LRRC74A: variants seen among roughly 807,000 people sequenced by gnomAD.
LRRC74A encodes the protein leucine-rich repeat-containing protein 74A.
LRRC74A carries 44 observed loss-of-function variants against 57.9 expected under a neutral mutation model. The ratio of observed to expected loss-of-function variants is 0.76; its 90% CI spans 0.60 to 0.98. The LOEUF is 0.98. Ranked by LOEUF, LRRC74A falls within the 50% of genes least tolerant of loss-of-function variation. LRRC74A has a pLI of 0.00. For synonymous variants in LRRC74A, 211 were observed against 219.4 expected (o/e 0.96, Z 0.34); for missense variants, 572 against 574.0 (o/e 1.00, Z 0.04).
At chr14:76,831,474 C>G in intron 3 of LRRC74A, 99 bp downstream of exon 3, 1 of 1,325,246 alleles carries the variant, frequency 7.5e-7, no homozygotes, top group Non-Finnish European at 1.1e-6. Context: ...GGAGCCTAAA[C>G]CCACACTTTA....
chr14:76,854,075 C>G (rs893106404), intron 9 of LRRC74A, among the ~76,000 whole-genome samples: 19 of 152,134 alleles, frequency 1.2e-4, no homozygotes, highest in African/African-American at 4.3e-4. Context: ...CCACCCGGTG[C>G]TCTCCCTTGC....
chr14:76,860,707 C>A lies in LRRC74A; in HGVS notation c.1068C>A (p.Ser356=), dbSNP rs200448778. The change falls in exon 11 of 14, where the codon TCC becomes TCA. Residue 356 remains serine (S), a synonymous_variant. Transcript: ENST00000689127. ...EELDISNVLV[S]EQFMKTLDGV... ...CCCTGTCACAGAACGTGCTGGTGTC[C>A]GAGCAGTTCATGAAAACGTTGGACG... 1 of 1,610,222 alleles carries A rather than the reference C, an allele frequency of 6.2e-7. No individual in the cohort carries two copies. Among genetic ancestry groups the A allele is most frequent in the South Asian group, 1.1e-5 (1 of 90,520 alleles).
intron 5 of LRRC74A, among the ~76,000 whole-genome samples, chr14:76,838,935 A>G (rs898589104): frequency 2.6e-5 from 4 of 152,164 alleles, no homozygotes; most frequent in Admixed American, 1.3e-4. Context: ...ATGTTTTTAC[A>G]TGTCAGTTAT....
At chr14:76,829,273 C>A in intron 2 of LRRC74A, 2 of 1,003,284 alleles carry the variant, frequency 2.0e-6, no homozygotes, top group Non-Finnish European at 2.7e-6. Flanking sequence ...TGGAGGAAGG[C>A]CAGTTCTGCC....
intron 4 of LRRC74A, 131 bp downstream of exon 4, chr14:76,836,445 A>G: frequency 1.7e-6 from 1 of 596,530 alleles, no homozygotes; most frequent in Non-Finnish European, 3.0e-6. Flanking sequence ...TTCCCACACG[A>G]CTTCTTAGAG....
chr14:76,859,175 C>G (rs918196079), intron 10 of LRRC74A, among the ~76,000 whole-genome samples: 1 of 152,126 alleles, frequency 6.6e-6, no homozygotes, highest in Non-Finnish European at 1.5e-5. Flanking sequence ...CTGTATTTCC[C>G]TCTCCCAGGC....
intron 9 of LRRC74A, 57 bp downstream of exon 9, chr14:76,853,467 G>C: frequency 7.1e-7 from 1 of 1,416,432 alleles, no homozygotes. Flanking sequence ...GTGTGTTTGT[G>C]TATGTGTTGG....
intron 7 of LRRC74A, among the ~76,000 whole-genome samples, chr14:76,850,454 T>C (rs1459407474): frequency 6.6e-6 from 1 of 151,788 alleles, no homozygotes; most frequent in Non-Finnish European, 1.5e-5. Flanking sequence ...GAGGGGGTAA[T>C]GAAGGCAGGA....
chr14:76,839,522 T>C (rs1896603905), intron 5 of LRRC74A, among the ~76,000 whole-genome samples: 1 of 152,256 alleles, frequency 6.6e-6, no homozygotes, highest in Non-Finnish European at 1.5e-5. Context: ...TTAAGTGAAT[T>C]AAAATCTAAA....
rs1471234358 is a variant in LRRC74A at position 76,857,436 on chromosome 14, G to A, written c.1014G>A (p.Lys338=). 1 of 1,588,156 alleles carries A rather than the reference G, an allele frequency of 6.3e-7. No homozygotes were observed. The highest frequency in any genetic ancestry group is 1.3e-5 in the African/African-American group (1 of 74,668). ...CTATTTTACTTATCCTGGCTATCAA[G>A]AGGAACCCCAAATCCAGGATGGAAG... ...DGAILLILAI[K]RNPKSRMEEL... Residue 338 remains lysine (K), a synonymous_variant, in exon 10 of 14, where the codon AAG becomes AAA. Transcript: ENST00000689127.
intron 5 of LRRC74A, among the ~76,000 whole-genome samples, chr14:76,844,127 T>A (rs541665003): frequency 6.6e-6 from 1 of 152,278 alleles, no homozygotes; most frequent in Non-Finnish European, 1.5e-5. Context: ...GCCTCCAAAG[T>A]AGCTGGGACC....
At chr14:76,864,747 G>A (rs183798526) in intron 11 of LRRC74A, among the ~76,000 whole-genome samples, 54 of 152,242 alleles carry the variant, frequency 3.5e-4, no homozygotes, top group African/African-American at 1.1e-3. Context: ...CCAGCTACCC[G>A]GGAGGCTGAG....
chr14:76,829,044 A>G, intron 2 of LRRC74A: 1 of 1,289,400 alleles, frequency 7.8e-7, no homozygotes, highest in Non-Finnish European at 1.0e-6. Context: ...GCTGAAACAA[A>G]GACTCTGTTA....
intron 2 of LRRC74A, chr14:76,828,823 A>G: frequency 2.4e-6 from 1 of 411,906 alleles, no homozygotes; most frequent in Admixed American, 2.9e-5. Context: ...GGCATTGCCC[A>G]GGGACAGCGG....
At chr14:76,865,440 C>T (rs980082367) in intron 11 of LRRC74A, among the ~76,000 whole-genome samples, 1 of 152,114 alleles carries the variant, frequency 6.6e-6, no homozygotes, top group African/African-American at 2.4e-5. Flanking sequence ...AATATTCTAA[C>T]AAAGTATGTT....
chr14:76,850,828 G>A (rs1897414495), intron 7 of LRRC74A, among the ~76,000 whole-genome samples: 1 of 132,528 alleles, frequency 7.5e-6, no homozygotes, highest in Non-Finnish European at 1.6e-5. Context: ...AGATTGTCAA[G>A]GGCAAAACTC....
chr14:76,828,065 A>C (rs1895704853), intron 1 of LRRC74A, among the ~76,000 whole-genome samples: 1 of 152,186 alleles, frequency 6.6e-6, no homozygotes. Flanking sequence ...GTCTCCAGGG[A>C]GCAGAAGGGA....
At chr14:76,848,163 A>C (rs923351803) in intron 7 of LRRC74A, among the ~76,000 whole-genome samples, 10 of 151,810 alleles carry the variant, frequency 6.6e-5, no homozygotes, top group African/African-American at 2.4e-4. Context: ...TAGCATTAGG[A>C]GATATACCTA....
At chr14:76,841,704 T>G (rs1896783368) in intron 5 of LRRC74A, among the ~76,000 whole-genome samples, 1 of 122,748 alleles carries the variant, frequency 8.1e-6, no homozygotes, top group Non-Finnish European at 1.6e-5. Flanking sequence ...TATATTCTTT[T>G]TTTTTCTTTT....
Sources: gnomAD v4.1 joint callset for allele counts (sites outside exome capture counted in the v4.1 genomes callset) on GRCh38, gnomAD v4.1.1 for gene constraint, MANE v1.5 for transcripts, NCBI Gene and HGNC (gene_info 2026-07-23, HGNC 2026-07-21) for gene names.